Variants in GRIP2 observed in about 807,000 individuals in gnomAD.
GRIP2 encodes the protein glutamate receptor-interacting protein 2.
A neutral mutation model predicts 108.3 loss-of-function variants in GRIP2; 58 were observed. The ratio of observed to expected loss-of-function variants is 0.54; its 90% confidence interval spans 0.43 to 0.67. The LOEUF is 0.67. GRIP2 is among the 30% of genes least tolerant of loss of function. The pLI is 0.00. For missense variants in GRIP2, 1,278 were observed against 1,430.6 expected (o/e 0.89, Z 1.72); for synonymous variants, 586 against 598.2 (o/e 0.98, Z 0.30).
the GRIP2 span, among the ~76,000 whole-genome samples, chr3:14,580,813 T>G: frequency 2.0e-5 from 3 of 152,182 alleles, no homozygotes; most frequent in Non-Finnish European, 2.9e-5. Context: ...TTTTTAGATG[T>G]GATTACATTT....
chr3:14,560,953 C>T (rs561090719), upstream of GRIP2, among the ~76,000 whole-genome samples: 2 of 152,208 alleles, frequency 1.3e-5, no homozygotes, highest in African/African-American at 2.4e-5. Context: ...CAGAGGACCC[C>T]TGGGCCCTCA....
In GRIP2 at chr3:14,509,885, C is replaced by G. The variant is rs528862839; in HGVS notation, c.2013G>C (p.Ser671=). ...TGGGGTCAAAAGGTTCCTCCGTGCC[C>G]GAAATGGTGATGCCCAGGGGACCCC... The part of the protein sequence containing the change: ...RYGGPLGITI[S]GTEEPFDPIV... Residue 671 remains serine, a synonymous_variant, in exon 17 of 24, where the codon TCG becomes TCC. Coordinates refer to ENST00000621039, the MANE Select transcript of GRIP2 (RefSeq NM_001080423.4). The G allele has an allele frequency of 6.5e-7, 1 of 1,545,280 alleles. No homozygotes were observed. Among genetic ancestry groups the G allele is most frequent in the Non-Finnish European group, 8.7e-7 (1 of 1,144,346 alleles).
chr3:14,570,743 C>T, the GRIP2 span, among the ~76,000 whole-genome samples: 1 of 152,186 alleles, frequency 6.6e-6, no homozygotes, highest in African/African-American at 2.4e-5. Context: ...AAAATACTGG[C>T]CTTCCCCAGA....
chr3:14,572,826 G>A, the GRIP2 span: 7 of 964,944 alleles, frequency 7.3e-6, no homozygotes, highest in East Asian at 5.2e-5. Context: ...TGGAGCGCAT[G>A]GTCCCTGGAG....
chr3:14,535,316 G>A (rs1694809425), intron 1 of GRIP2, among the ~76,000 whole-genome samples: 1 of 152,196 alleles, frequency 6.6e-6, no homozygotes, highest in Admixed American at 6.5e-5. Flanking sequence ...TCTGGGACAA[G>A]TCACTTCTCT....
chr3:14,545,074 A>G (rs1163249697), upstream of GRIP2, among the ~76,000 whole-genome samples: 3 of 152,230 alleles, frequency 2.0e-5, no homozygotes, highest in East Asian at 5.8e-4. Context: ...CAGGCCAAGG[A>G]GGCTCCGACA....
At position 14,517,494 on chromosome 3, in the gene GRIP2, CTTTTTTTTTTTTTTT is replaced by C. The variant is rs146509076; in HGVS notation, c.1156+263_1156+277del. Among the ~76,000 whole-genome samples, 9 of 107,766 alleles carry C rather than the reference CTTTTTTTTTTTTTTT, an allele frequency of 8.4e-5. No homozygotes were observed. In the South Asian group the frequency reaches 2.9e-3, roughly 35 times the overall value. 70.7% of individuals were successfully genotyped at this position (107,766 alleles called of 152,430 possible). A position where few individuals can be genotyped will look rare whatever the true frequency, so the allele number is the denominator to read the frequency against. ...GAGGCAGGCCACCTAATCTCTCTCT[CTTTTTTTTTTTTTTT>C]TTTTTTTTTTTAGTTGAGGTCTCGC... On this transcript the variant is annotated intron_variant, in intron 10 of 23. Transcript: ENST00000621039.
chr3:14,548,099 G>C (rs903236296), intron 1 of GRIP2, among the ~76,000 whole-genome samples: 1 of 152,166 alleles, frequency 6.6e-6, no homozygotes, highest in Non-Finnish European at 1.5e-5. Flanking sequence ...CGCCTTGAGG[G>C]ACAAAGAAAC....
At chr3:14,516,088 C>T (rs188528984) in intron 11 of GRIP2, among the ~76,000 whole-genome samples, 4 of 152,172 alleles carry the variant, frequency 2.6e-5, no homozygotes, top group Non-Finnish European at 5.9e-5. Flanking sequence ...GCAGAGGAGT[C>T]GCAAGAGCCT....
At chr3:14,602,771 C>T in the GRIP2 span, among the ~76,000 whole-genome samples, 1 of 151,820 alleles carries the variant, frequency 6.6e-6, no homozygotes, top group East Asian at 2.0e-4. This position sits in a 1 kb window ranked among gnomAD's most constrained non-coding sequence, Gnocchi z 4.7. Flanking sequence ...TTGGGACCCC[C>T]TCCTGCGCCT....
chr3:14,601,159 GCC>G, the GRIP2 span, among the ~76,000 whole-genome samples: 1 of 152,014 alleles, frequency 6.6e-6, no homozygotes, highest in Non-Finnish European at 1.5e-5. Flanking sequence ...GGACATTACA[GCC>G]CCCACTTCCA....
intron 12 of GRIP2, 52 bp from the exon 13 acceptor site, chr3:14,513,862 G>A: frequency 6.3e-7 from 1 of 1,590,780 alleles, no homozygotes; most frequent in South Asian, 1.1e-5. Flanking sequence ...AGGTCCATTG[G>A]GAGACAAGAA....
intron 1 of GRIP2, among the ~76,000 whole-genome samples, chr3:14,551,711 C>G (rs1219362009): frequency 6.6e-6 from 1 of 152,172 alleles, no homozygotes; most frequent in Non-Finnish European, 1.5e-5. Context: ...CCCTTGGACC[C>G]AGCAGGGGAG....
At chr3:14,572,884 A>C in the GRIP2 span, 9 of 1,255,840 alleles carry the variant, frequency 7.2e-6, no homozygotes, top group Non-Finnish European at 1.2e-6. Flanking sequence ...TACTTCTCGC[A>C]GAAATTATCA....
the GRIP2 span, among the ~76,000 whole-genome samples, chr3:14,585,292 A>G: frequency 6.6e-6 from 1 of 152,258 alleles, no homozygotes; most frequent in Admixed American, 6.5e-5. Context: ...AAGGGCTGGT[A>G]TTACAGGCGT....
Position 14,505,805 on chromosome 3 carries a change from G to C in GRIP2, c.2399-16C>G. 1 of 1,503,038 alleles carries C rather than the reference G, an allele frequency of 6.7e-7. No individual in the cohort carries two copies. Among genetic ancestry groups the C allele is most frequent in the Non-Finnish European group, 8.9e-7 (1 of 1,126,848 alleles). The allele number at this position is 1,503,038 out of a possible 1,614,324, so 93.1% of individuals were successfully genotyped here. A position where few individuals can be genotyped will look rare whatever the true frequency, so the allele number is the denominator to read the frequency against. Reference sequence around the variant, plus strand: ...GTATAGGACCCTGGTGGTGGAGAGAGGGCCTCTGTGTTCCCTGCGGCCTCA... The same window carrying C: ...GTATAGGACCCTGGTGGTGGAGAGACGGCCTCTGTGTTCCCTGCGGCCTCA... On this transcript the variant is annotated splice_polypyrimidine_tract_variant and intron_variant, in intron 19 of 23. Coordinates refer to ENST00000621039, the MANE Select transcript of GRIP2 (RefSeq NM_001080423.4). The surrounding 1 kb of genome is among the most constrained non-coding windows in gnomAD (Gnocchi z 4.2).
At chr3:14,551,104 C>G (rs1233414549) in intron 1 of GRIP2, among the ~76,000 whole-genome samples, 1 of 152,142 alleles carries the variant, frequency 6.6e-6, no homozygotes, top group African/African-American at 2.4e-5. Flanking sequence ...CCAGGAGGAA[C>G]ACGGACCTGC....
At chr3:14,506,050 T>C (rs1232224625) in intron 19 of GRIP2, among the ~76,000 whole-genome samples, 1 of 152,174 alleles carries the variant, frequency 6.6e-6, no homozygotes, top group Non-Finnish European at 1.5e-5. Context: ...GGAAGGAGGC[T>C]GAACATGTGG....
At position 14,510,272 on chromosome 3, in the gene GRIP2, T is replaced by G. The variant is rs1274132489; in HGVS notation, c.1934-308A>C. On this transcript the variant is annotated intron_variant, in intron 16 of 23. Transcript: ENST00000621039. ...GATCATCCGTTGTTTTTTTTTTTTT[T>G]TTTTTTTTGAGACAGAGTCTTGCTC... Among the ~76,000 whole-genome samples, 5 of 149,968 alleles carry G rather than the reference T, an allele frequency of 3.3e-5. No individual in the cohort carries two copies. In the South Asian group the frequency reaches 8.6e-4, roughly 26 times the overall value.
Sources: gnomAD v4.1 joint callset for allele counts (sites outside exome capture counted in the v4.1 genomes callset) on GRCh38, gnomAD v4.1.1 for gene constraint, Gnocchi (gnomAD v3.1) non-coding constraint, MANE v1.5 for transcripts, NCBI Gene and HGNC (gene_info 2026-07-23, HGNC 2026-07-21) for gene names.